The following SDK1 variants were observed in gnomAD, a reference collection of about 807,000 sequenced individuals.
The protein encoded by SDK1 is sidekick cell adhesion molecule 1.
SDK1 carries 157 observed loss-of-function variants against 245.5 expected under a neutral mutation model. The observed-to-expected ratio is 0.64, with a 90% CI of 0.56 to 0.73. The LOEUF is 0.73. Among genes scored for constraint, SDK1 ranks in the 30% least tolerant of loss-of-function variants. SDK1 has a pLI of 0.00. For synonymous variants in SDK1, 1,647 were observed against 1,278.5 expected, an observed-to-expected ratio of 1.29 and a Z score of -6.15; for missense variants, 3,583 against 3,002.3, an observed-to-expected ratio of 1.19 and a Z score of -4.52.
chr7:3,832,433 A>G (rs1053421850), intron 5 of SDK1, among the ~76,000 whole-genome samples: 1 of 152,170 alleles, frequency 6.6e-6, no homozygotes, highest in Non-Finnish European at 1.5e-5. Context: ...TTCATTGTAA[A>G]CGATGTTCTT....
chr7:3,820,028 C>T (rs1779605126), intron 4 of SDK1, among the ~76,000 whole-genome samples: 2 of 152,096 alleles, frequency 1.3e-5, no homozygotes, highest in African/African-American at 4.8e-5. Context: ...ACTCTAGAGA[C>T]CTAAGATGTT....
chr7:3,449,456 C>T (rs933234151), intron 1 of SDK1, among the ~76,000 whole-genome samples: 1 of 151,808 alleles, frequency 6.6e-6, no homozygotes, highest in Non-Finnish European at 1.5e-5. Flanking sequence ...TCCAGTATCT[C>T]TAGCCAGGAG....
At chr7:3,388,417 A>G (rs1781663147) in intron 1 of SDK1, among the ~76,000 whole-genome samples, 1 of 152,012 alleles carries the variant, frequency 6.6e-6, no homozygotes, top group African/African-American at 2.4e-5. Context: ...ATTTTATTTG[A>G]AGAGACTGGG....
chr7:3,841,667 A>G (rs1275184107), intron 5 of SDK1, among the ~76,000 whole-genome samples: 1 of 151,928 alleles, frequency 6.6e-6, no homozygotes, highest in East Asian at 1.9e-4. Context: ...CCTGGGTTCA[A>G]GCGATTCTTC....
At chr7:3,799,228 G>A (rs183448122) in intron 4 of SDK1, among the ~76,000 whole-genome samples, 156 of 152,160 alleles carry the variant, frequency 1.0e-3, no homozygotes, top group African/African-American at 3.4e-3. Context: ...CAGTTGGTAT[G>A]TACTTTGAAA....
At chr7:3,351,224 G>T (rs1446672144) in intron 1 of SDK1, among the ~76,000 whole-genome samples, 1 of 152,070 alleles carries the variant, frequency 6.6e-6, no homozygotes, top group East Asian at 1.9e-4. Flanking sequence ...AAGATTTTAT[G>T]TCCTATGTTT....
intron 23 of SDK1, 58 bp downstream of exon 23, chr7:4,110,830 C>T: frequency 8.2e-7 from 1 of 1,219,768 alleles, no homozygotes; most frequent in Non-Finnish European, 1.2e-6. Context: ...CAGGCAGGTG[C>T]CTTCTGTTGG....
chr7:3,635,306 C>G (rs988059313), intron 2 of SDK1, among the ~76,000 whole-genome samples: 2 of 152,032 alleles, frequency 1.3e-5, no homozygotes, highest in African/African-American at 4.8e-5. Context: ...TTAATCCTTC[C>G]CTAGGAGCTC....
intron 22 of SDK1, among the ~76,000 whole-genome samples, chr7:4,089,913 G>T (rs1196839351): frequency 1.3e-5 from 2 of 152,200 alleles, no homozygotes; most frequent in Non-Finnish European, 2.9e-5. Flanking sequence ...GCACCCAGTG[G>T]TCTCCTGTGA....
At position 4,129,972 on chromosome 7, in the gene SDK1, C is replaced by T. The variant is rs140791078; in HGVS notation, c.4004C>T (p.Thr1335Met). ...AGCCACATCGTGCGAGGGAACCACA[C>T]GCAGTCGGCCCTGCTGGCAGGCCTG... Reference protein sequence around the residue: ...PRSHIVRGNHTQSALLAGLRK... With the variant: ...PRSHIVRGNHMQSALLAGLRK... Residue 1335 changes from threonine (T) to methionine (M), a missense_variant, in exon 27 of 45, where the codon ACG becomes ATG. Physicochemically the swap from Thr to Met is moderately conservative, Grantham distance 81 (BLOSUM62 -1). Transcript: ENST00000404826. The T allele has an allele frequency of 1.5e-5, 25 of 1,613,720 alleles. No homozygotes were observed. Among genetic ancestry groups the T allele is most frequent in the East Asian group, 6.7e-5 (3 of 44,872 alleles).
In SDK1 at chr7:4,178,637, G is replaced by A. The variant is rs1479122703; in HGVS notation, c.5098+51G>A. 2.3e-6 allele frequency: 3 copies of A among 1,316,734 alleles called. No individual in the cohort carries two copies. The Admixed American group carries it at 5.1e-5, about 22-fold the overall frequency. The allele number at this position is 1,316,734 out of a possible 1,614,324, so 81.6% of individuals were successfully genotyped here. Reference sequence around the variant, plus strand: ...ACTGCCAGAGAGGGCCACAGTGGTGGGGACAGCCAGGCACGCTGCGGCCAA... The same window carrying A: ...ACTGCCAGAGAGGGCCACAGTGGTGAGGACAGCCAGGCACGCTGCGGCCAA... On this transcript the variant is annotated intron_variant, in intron 35 of 44. Transcript: ENST00000404826.
At chr7:4,126,658 T>G (rs545001110) in intron 25 of SDK1, among the ~76,000 whole-genome samples, 2 of 152,338 alleles carry the variant, frequency 1.3e-5, no homozygotes, top group East Asian at 3.9e-4. Context: ...GAGGCGAAGT[T>G]GCAGTGAGCC....
intron 4 of SDK1, among the ~76,000 whole-genome samples, chr7:3,817,489 C>T (rs985122569): frequency 6.6e-6 from 1 of 152,222 alleles, no homozygotes; most frequent in East Asian, 1.9e-4. Flanking sequence ...TACTCTTACT[C>T]TTCCTTCCTG....
chr7:3,878,042 G>C (rs1001180715), intron 5 of SDK1, among the ~76,000 whole-genome samples: 1 of 152,322 alleles, frequency 6.6e-6, no homozygotes, highest in African/African-American at 2.4e-5. Context: ...TGGAAAGGCT[G>C]TTCTAAGTTG....
chr7:4,189,945 T>C (rs934052227), intron 35 of SDK1, among the ~76,000 whole-genome samples: 6 of 152,226 alleles, frequency 3.9e-5, no homozygotes, highest in African/African-American at 1.4e-4. Context: ...GTCCCACCTT[T>C]CTTCTAAGTG....
intron 1 of SDK1, among the ~76,000 whole-genome samples, chr7:3,369,057 C>G (rs1176424940): frequency 2.7e-5 from 4 of 147,742 alleles, no homozygotes; most frequent in African/African-American, 1.0e-4. Context: ...TCTTTTTTTT[C>G]TTTTTGAGAC....
chr7:3,663,949 G>T (rs1341204753), intron 4 of SDK1, among the ~76,000 whole-genome samples: 1 of 152,184 alleles, frequency 6.6e-6, no homozygotes, highest in African/African-American at 2.4e-5. Context: ...ACACTTCCAT[G>T]GTATGCTAGG....
intron 44 of SDK1, among the ~76,000 whole-genome samples, chr7:4,247,779 C>T (rs2128239792): frequency 6.6e-6 from 1 of 152,276 alleles, no homozygotes; most frequent in Middle Eastern, 3.4e-3. Context: ...TGAGGTGGGG[C>T]CAGTCTCCTT....
At chr7:4,023,340 T>C (rs1009190320) in intron 17 of SDK1, among the ~76,000 whole-genome samples, 1 of 152,150 alleles carries the variant, frequency 6.6e-6, no homozygotes, top group Non-Finnish European at 1.5e-5. Flanking sequence ...ATGGGACATA[T>C]TAACTTACAA....
Sources: allele counts gnomAD v4.1 joint callset (sites outside exome capture counted in the v4.1 genomes callset), GRCh38; gene constraint gnomAD v4.1.1; transcripts MANE v1.5; gene names NCBI Gene and HGNC (gene_info 2026-07-23, HGNC 2026-07-21).